PREX1: variants seen among roughly 807,000 people sequenced by gnomAD.
PREX1 encodes the protein phosphatidylinositol 3,4,5-trisphosphate-dependent Rac exchanger 1 protein.
A neutral mutation model predicts 198.3 loss-of-function variants in PREX1; 41 were observed. That is an observed-to-expected ratio of 0.21 (90% CI 0.16 to 0.27). The LOEUF (loss-of-function observed/expected upper bound fraction) is 0.27. Among genes scored for constraint, PREX1 ranks in the 10% least tolerant of loss-of-function variants. The pLI is 1.00. For missense variants in PREX1, 1,620 were observed against 2,200.7 expected (o/e 0.74, Z 5.28); for synonymous variants, 843 against 887.2 (o/e 0.95, Z 0.89).
In PREX1 at chr20:48,659,984, T is replaced by C. The variant is rs1406375539; in HGVS notation, c.1816A>G (p.Ser606Gly). The C allele has an allele frequency of 6.2e-7, 1 of 1,614,254 alleles. No homozygotes were observed. The highest frequency in any genetic ancestry group is 1.1e-5 in the South Asian group (1 of 91,084). ...TCGTTGCGAAGCTGTTTGTTCTTGC[T>C]GCTGGTCCCCTCCATCTCCTCGTCA... ...HADEEMEGTS[S>G]KNKQLRNDFK... is the part of the protein sequence containing the mutation. Residue 606 changes from serine (S) to glycine (G), a missense_variant, in exon 16 of 40, where the codon AGC (serine) becomes GGC (glycine). This residue lies in a region of PREX1 where 488 missense variants were observed against 802.5 expected (regional missense o/e 0.61). Coordinates refer to ENST00000371941, the MANE Select transcript of PREX1 (RefSeq NM_020820.4).
intron 4 of PREX1, among the ~76,000 whole-genome samples, chr20:48,728,106 G>A (rs1473006574): frequency 6.6e-6 from 1 of 152,158 alleles, no homozygotes; most frequent in Non-Finnish European, 1.5e-5. Flanking sequence ...CAGACTCTTG[G>A]GAAAAGGGAT....
At chr20:48,837,303 C>T in the PREX1 span, among the ~76,000 whole-genome samples, 1 of 152,216 alleles carries the variant, frequency 6.6e-6, no homozygotes, top group African/African-American at 2.4e-5. Context: ...CCATTAGACC[C>T]AGCAATGCTG....
chr20:48,810,468 C>T (rs2090428933), intron 1 of PREX1, among the ~76,000 whole-genome samples: 1 of 151,200 alleles, frequency 6.6e-6, no homozygotes, highest in Admixed American at 6.6e-5. Context: ...CCTGTAGTTA[C>T]AGCTACTCAG....
chr20:48,722,234 A>T (rs2089989567), intron 5 of PREX1, among the ~76,000 whole-genome samples: 1 of 152,216 alleles, frequency 6.6e-6, no homozygotes, highest in Non-Finnish European at 1.5e-5. Flanking sequence ...TGAGTGCATA[A>T]ACACAACGTG....
chr20:48,789,017 T>C (rs2090325583), intron 1 of PREX1, among the ~76,000 whole-genome samples: 1 of 152,072 alleles, frequency 6.6e-6, no homozygotes, highest in Non-Finnish European at 1.5e-5. Context: ...AAGAAGAAAG[T>C]TTCTTTTCTT....
chr20:48,718,437 A>G (rs2089971636), intron 5 of PREX1, among the ~76,000 whole-genome samples: 1 of 152,258 alleles, frequency 6.6e-6, no homozygotes, highest in Non-Finnish European at 1.5e-5. Context: ...CAACTAAGCC[A>G]AAGAAACTAA....
At chr20:48,674,343 C>T (rs1312093133) in intron 14 of PREX1, among the ~76,000 whole-genome samples, 1 of 152,108 alleles carries the variant, frequency 6.6e-6, no homozygotes, top group Admixed American at 6.6e-5. Context: ...TTTATCAGCA[C>T]GTATCAGGAA....
At chr20:48,761,544 A>G (rs1317730572) in intron 1 of PREX1, among the ~76,000 whole-genome samples, 2 of 136,894 alleles carry the variant, frequency 1.5e-5, no homozygotes, top group Non-Finnish European at 3.1e-5. Context: ...GTTCCCCACC[A>G]CATCGGGAGA....
intron 1 of PREX1, among the ~76,000 whole-genome samples, chr20:48,808,290 C>A (rs144893378): frequency 6.6e-6 from 1 of 152,126 alleles, no homozygotes; most frequent in East Asian, 1.9e-4. Flanking sequence ...CCAGGCACTC[C>A]GGGAGCACTT....
chr20:48,732,365 G>C (rs544190140), intron 4 of PREX1, among the ~76,000 whole-genome samples: 1 of 151,492 alleles, frequency 6.6e-6, no homozygotes, highest in Admixed American at 6.7e-5. Context: ...GAGTGAAGGA[G>C]AAGTGCAATT....
At chr20:48,874,372 CGTGTGTGTGTGTGTGTGTGTGTGT>C in the PREX1 span, among the ~76,000 whole-genome samples, 4 of 127,918 alleles carry the variant, frequency 3.1e-5, no homozygotes, top group Admixed American at 7.8e-5. Context: ...GAGGGGTGTC[CGTGTGTGTGTGTGTGTGTGTGTGT>C]GTGTGTGTGT....
chr20:48,766,828 G>A (rs999449167), intron 1 of PREX1, among the ~76,000 whole-genome samples: 8 of 152,190 alleles, frequency 5.3e-5, no homozygotes, highest in Admixed American at 5.2e-4. Flanking sequence ...GTGAGTGGAT[G>A]GACGGGTAGA....
At chr20:48,813,895 G>A (rs1407349492) in intron 1 of PREX1, among the ~76,000 whole-genome samples, 1 of 152,184 alleles carries the variant, frequency 6.6e-6, no homozygotes, top group Non-Finnish European at 1.5e-5. Flanking sequence ...ATAAGGGAAT[G>A]TGCTTTTGAT....
chr20:48,877,321 T>C, the PREX1 span, among the ~76,000 whole-genome samples: 4 of 151,434 alleles, frequency 2.6e-5, no homozygotes, highest in African/African-American at 9.7e-5. Flanking sequence ...ACTCACGGAA[T>C]AGAGAAATCC....
At chr20:48,877,672 A>G in the PREX1 span, among the ~76,000 whole-genome samples, 3 of 152,246 alleles carry the variant, frequency 2.0e-5, no homozygotes, top group Non-Finnish European at 2.9e-5. Context: ...AATACGAAAG[A>G]TTAGAGACAG....
chr20:48,752,607 C>T (rs888701544), intron 1 of PREX1, among the ~76,000 whole-genome samples: 1 of 152,168 alleles, frequency 6.6e-6, no homozygotes, highest in African/African-American at 2.4e-5. Flanking sequence ...GAAACTGAGG[C>T]ACTCGATGGA....
At chr20:48,865,247 T>G in the PREX1 span, among the ~76,000 whole-genome samples, 1 of 152,186 alleles carries the variant, frequency 6.6e-6, no homozygotes, top group Admixed American at 6.5e-5. Flanking sequence ...GCCAGCAGTT[T>G]CAGGTCTAGG....
At chr20:48,862,596 CTCT>C in the PREX1 span, among the ~76,000 whole-genome samples, 1 of 151,824 alleles carries the variant, frequency 6.6e-6, no homozygotes, top group African/African-American at 2.4e-5. Context: ...AGGCTTCAAT[CTCT>C]AAGTTGTACA....
At chr20:48,700,201 C>T (rs1474938479) in intron 7 of PREX1, among the ~76,000 whole-genome samples, 1 of 152,236 alleles carries the variant, frequency 6.6e-6, no homozygotes, top group African/African-American at 2.4e-5. Flanking sequence ...GAAAGAGCTT[C>T]GCTCCTCTTG....
Sources: gnomAD v4.1 joint callset for allele counts (sites outside exome capture counted in the v4.1 genomes callset) on GRCh38, gnomAD v4.1.1 for gene constraint, gnomAD v4.1.1 regional missense constraint, MANE v1.5 for transcripts, NCBI Gene and HGNC (gene_info 2026-07-23, HGNC 2026-07-21) for gene names.